The following LIPA variants were observed in gnomAD, a reference collection of about 807,000 sequenced individuals.
LIPA encodes lipase A, lysosomal acid type.
Under a neutral mutation model 40.6 loss-of-function variants are expected in LIPA, and 26 were observed. The ratio of observed to expected loss-of-function variants is 0.64; its 90% CI spans 0.47 to 0.89. The LOEUF (loss-of-function observed/expected upper bound fraction) is 0.89, where lower values mean the gene tolerates loss of function less well. Ranked by LOEUF, LIPA falls within the 40% of genes least tolerant of loss-of-function variation. The pLI is 0.00. For synonymous variants in LIPA, 188 were observed against 168.4 expected, an observed-to-expected ratio of 1.12 and a Z score of -0.90; for missense variants, 455 against 479.6, an observed-to-expected ratio of 0.95 and a Z score of 0.48.
At chr10:89,356,109 G>A (rs1333645314) in intron 2 of LIPA, among the ~76,000 whole-genome samples, 1 of 152,046 alleles carries the variant, frequency 6.6e-6, no homozygotes, top group African/African-American at 2.4e-5. Flanking sequence ...TTTCTTTCTT[G>A]TGTGAGCTCC....
chr10:89,296,774 C>T, intron 1 of LIPA, among the ~76,000 whole-genome samples: 1 of 152,292 alleles, frequency 6.6e-6, no homozygotes, highest in African/African-American at 2.4e-5. Context: ...AATTTTCTGA[C>T]CTCAATCTTT....
intron 2 of LIPA, among the ~76,000 whole-genome samples, chr10:89,373,735 G>T (rs1400200548): frequency 6.6e-6 from 1 of 152,146 alleles, no homozygotes. Flanking sequence ...GGGATCCAGG[G>T]ATCATTTGGA....
chr10:89,359,381 A>T (rs1006015818), intron 2 of LIPA, among the ~76,000 whole-genome samples: 4 of 152,238 alleles, frequency 2.6e-5, no homozygotes, highest in Admixed American at 6.5e-5. Context: ...GGAATAGGAT[A>T]TTGGTGAGAG....
intron 1 of LIPA, among the ~76,000 whole-genome samples, chr10:89,326,301 G>T (rs375885627): frequency 6.6e-6 from 1 of 152,292 alleles, no homozygotes; most frequent in African/African-American, 2.4e-5. Context: ...ATGGATAGAA[G>T]TGGAGGTCAT....
chr10:89,308,789 AAC>A (rs1843499480), intron 1 of LIPA: 1 of 152,224 alleles, frequency 6.6e-6, no homozygotes, highest in Admixed American at 6.5e-5. Context: ...TAACCACTGT[AAC>A]AACAGTTTTT....
chr10:89,375,949 G>A (rs1844117940), intron 2 of LIPA, among the ~76,000 whole-genome samples: 1 of 151,970 alleles, frequency 6.6e-6, no homozygotes, highest in Admixed American at 6.6e-5. Flanking sequence ...CACTTTAGGA[G>A]GCCAACACAG....
At chr10:89,262,783 G>A (rs1843217865) in intron 1 of LIPA, among the ~76,000 whole-genome samples, 3 of 152,118 alleles carry the variant, frequency 2.0e-5, no homozygotes, top group Admixed American at 6.5e-5. Context: ...TATATTAAAC[G>A]TATTTTTCAT....
At chr10:89,362,600 G>A (rs1010723256) in intron 2 of LIPA, 4 of 335,990 alleles carry the variant, frequency 1.2e-5, no homozygotes, top group East Asian at 1.0e-4. Context: ...GCCTGGGCTG[G>A]GGCAAATTTG....
At position 89,293,147 on chromosome 10, in the gene LIPA, T is replaced by C. The variant is rs139680734; in HGVS notation, c.-1-45498A>G. On this transcript the variant is annotated intron_variant, in intron 1 of 5. Coordinates refer to the LIPA transcript ENST00000282673. ...TCTCATGATAATGAGTGAGTTTTCA[T>C]GAGAGCTGATGGTTTTATAAGCATC... Among the ~76,000 whole-genome samples the C allele has an allele frequency of 2.6e-4, 39 of 152,286 alleles. No individual in the cohort carries two copies. The East Asian group carries it at 7.1e-3, about 28-fold the overall frequency.
At chr10:89,380,622 A>G (rs1215145849) in intron 2 of LIPA, among the ~76,000 whole-genome samples, 1 of 151,980 alleles carries the variant, frequency 6.6e-6, no homozygotes, top group African/African-American at 2.4e-5. Context: ...TTTGAGAGAC[A>G]TGGTTTCGCT....
At chr10:89,237,012 G>A (rs141545739) in intron 3 of LIPA, among the ~76,000 whole-genome samples, 102 of 152,338 alleles carry the variant, frequency 6.7e-4, no homozygotes, top group African/African-American at 2.3e-3. Context: ...GGTGGCTTAT[G>A]TTTGTAATCC....
chr10:89,344,449 G>A (rs1020206154), upstream of LIPA, among the ~76,000 whole-genome samples: 3 of 152,124 alleles, frequency 2.0e-5, no homozygotes, highest in African/African-American at 7.2e-5. Flanking sequence ...AGGTTAAACT[G>A]GAGAACAAAC....
intron 1 of LIPA, among the ~76,000 whole-genome samples, chr10:89,290,856 A>G (rs556485145): frequency 2.6e-5 from 4 of 152,368 alleles, no homozygotes; most frequent in South Asian, 4.1e-4. Flanking sequence ...TATTGCTCAC[A>G]CAAAGCCTGT....
At chr10:89,250,103 C>CTTTTTTTTTTTTTTT (rs1564767193) in intron 1 of LIPA, among the ~76,000 whole-genome samples, 4 of 94,042 alleles carry the variant, frequency 4.3e-5, no homozygotes, top group African/African-American at 1.5e-4. Flanking sequence ...CTTTTCTTTT[C>CTTTTTTTTTTTTTTT]TTTCTTTTTT....
intron 1 of LIPA, among the ~76,000 whole-genome samples, chr10:89,274,318 G>T (rs1029513140): frequency 4.6e-5 from 7 of 152,198 alleles, no homozygotes; most frequent in Non-Finnish European, 1.0e-4. Context: ...AAATGATAAA[G>T]AAAAACTTAT....
At chr10:89,374,143 C>T (rs1436870040) in intron 2 of LIPA, among the ~76,000 whole-genome samples, 1 of 152,172 alleles carries the variant, frequency 6.6e-6, no homozygotes, top group African/African-American at 2.4e-5. Flanking sequence ...GATGAGGAAA[C>T]TCAGTGTTTA....
At chr10:89,253,853 A>C (rs544817658), upstream of LIPA, among the ~76,000 whole-genome samples, 1 of 152,368 alleles carries the variant, frequency 6.6e-6, no homozygotes, top group South Asian at 2.1e-4. Context: ...TAAAAGCCGC[A>C]TGCAAGTCCA....
chr10:89,214,958 A>C lies in LIPA; in HGVS notation c.1070T>G (p.Leu357Arg). 1 of 1,614,166 alleles carries C rather than the reference A, an allele frequency of 6.2e-7. No homozygotes were observed. Among genetic ancestry groups the C allele is most frequent in the South Asian group, 1.1e-5 (1 of 91,088 alleles). The change falls in exon 10 of 10, where the codon CTG (leucine) becomes CGG (arginine). Residue 357 changes from leucine (L) to arginine (R), a missense_variant. Leu to Arg is a moderately radical substitution (Grantham distance 102, BLOSUM62 -2). Transcript: ENST00000336233. Reference sequence around the variant, plus strand: ...GAACACCAAGTTGGTGATCTGAGTCAGTAAGATATTGACGTCGTAGACATC... The same window carrying C: ...GAACACCAAGTTGGTGATCTGAGTCCGTAAGATATTGACGTCGTAGACATC... ...LADVYDVNIL[L>R]TQITNLVFHE... is the part of the protein sequence containing the mutation.
intron 2 of LIPA, among the ~76,000 whole-genome samples, chr10:89,393,661 C>T (rs1433392298): frequency 6.6e-6 from 1 of 152,136 alleles, no homozygotes; most frequent in Non-Finnish European, 1.5e-5. Flanking sequence ...ACCTGGGAGG[C>T]GTAAGTTGCA....
Sources: gnomAD v4.1 joint callset for allele counts (sites outside exome capture counted in the v4.1 genomes callset) on GRCh38, gnomAD v4.1.1 for gene constraint, MANE v1.5 for transcripts, NCBI Gene and HGNC (gene_info 2026-07-23, HGNC 2026-07-21) for gene names.